The following ARHGAP24 variants were observed in gnomAD, a reference collection of about 807,000 sequenced individuals.
ARHGAP24 encodes rho GTPase-activating protein 24.
In ARHGAP24, 50 loss-of-function variants were observed where a neutral mutation model predicts 76.4. The observed-to-expected ratio is 0.65, with a 90% CI of 0.52 to 0.83. ARHGAP24 has a LOEUF of 0.83. Ranked by LOEUF, ARHGAP24 falls within the 40% of genes least tolerant of loss-of-function variation. The pLI, the probability that ARHGAP24 is intolerant of heterozygous loss-of-function variation, is 0.00. For synonymous variants in ARHGAP24, 345 were observed against 323.3 expected (o/e 1.07, Z -0.72); for missense variants, 930 against 914.2 (o/e 1.02, Z -0.22).
At chr4:85,847,682 T>C (rs1367017568) in intron 3 of ARHGAP24, among the ~76,000 whole-genome samples, 2 of 152,146 alleles carry the variant, frequency 1.3e-5, no homozygotes, top group Admixed American at 6.5e-5. Context: ...AACTGCAAGG[T>C]GATCAGTTTG....
chr4:85,756,211 TAA>T (rs66811844), intron 3 of ARHGAP24, among the ~76,000 whole-genome samples: 137,975 of 152,000 alleles, frequency 0.91, 64,135 homozygotes, highest in East Asian at 1. Context: ...TAATAGTTAA[TAA>T]AGTAGCTGAT....
At chr4:85,726,945 T>C (rs13102580) in intron 3 of ARHGAP24, among the ~76,000 whole-genome samples, 6 of 151,856 alleles carry the variant, frequency 4.0e-5, no homozygotes, top group Non-Finnish European at 8.8e-5. Context: ...GAGGTAGGGG[T>C]ATCACCTGAG....
chr4:85,978,046 T>C (rs1392095196), intron 8 of ARHGAP24, among the ~76,000 whole-genome samples: 1 of 152,264 alleles, frequency 6.6e-6, no homozygotes, highest in African/African-American at 2.4e-5. Flanking sequence ...TTAATATACA[T>C]TTTTATTAAT....
At chr4:85,501,190 T>C (rs909284861) in intron 1 of ARHGAP24, among the ~76,000 whole-genome samples, 2 of 152,246 alleles carry the variant, frequency 1.3e-5, no homozygotes, top group South Asian at 4.1e-4. Flanking sequence ...AACATATGTG[T>C]GCATGTGTCT....
chr4:85,925,748 G>C (rs911858206), intron 4 of ARHGAP24, among the ~76,000 whole-genome samples: 1 of 152,148 alleles, frequency 6.6e-6, no homozygotes, highest in Non-Finnish European at 1.5e-5. Context: ...CCGGTGTCCA[G>C]TGGGGACTTT....
intron 3 of ARHGAP24, among the ~76,000 whole-genome samples, chr4:85,811,148 G>A (rs544998387): frequency 6.6e-6 from 1 of 152,264 alleles, no homozygotes; most frequent in East Asian, 1.9e-4. Context: ...TAATGCAAGA[G>A]CCAATGATTT....
chr4:85,985,230 C>T (rs568229516), intron 8 of ARHGAP24, among the ~76,000 whole-genome samples: 11 of 152,236 alleles, frequency 7.2e-5, no homozygotes, highest in Middle Eastern at 3.4e-3. Context: ...GTGGAATCAA[C>T]CTAAATGCCC....
chr4:85,513,529 ACT>A (rs1724365177), intron 1 of ARHGAP24, among the ~76,000 whole-genome samples: 2 of 151,038 alleles, frequency 1.3e-5, no homozygotes, highest in South Asian at 4.2e-4. Flanking sequence ...TTGCCTAAAC[ACT>A]CTCCACTTAG....
intron 2 of ARHGAP24, among the ~76,000 whole-genome samples, chr4:85,677,383 C>T (rs1453414622): frequency 6.6e-6 from 1 of 152,226 alleles, no homozygotes; most frequent in Non-Finnish European, 1.5e-5. Flanking sequence ...CAGCCGGTAC[C>T]TCCCTGCTGT....
At chr4:85,683,191 A>T (rs893376794) in intron 2 of ARHGAP24, among the ~76,000 whole-genome samples, 3 of 149,018 alleles carry the variant, frequency 2.0e-5, no homozygotes, top group East Asian at 4.3e-4. Context: ...AAAACATGGC[A>T]GTTCTTATAA....
intron 6 of ARHGAP24, among the ~76,000 whole-genome samples, chr4:85,973,833 G>GTTTTTTT (rs1199796194): frequency 0.031 from 1,317 of 42,634 alleles, 344 homozygotes; most frequent in East Asian, 0.047. Flanking sequence ...GCTGCCTATT[G>GTTTTTTT]TTTTTTTTTT....
intron 1 of ARHGAP24, among the ~76,000 whole-genome samples, chr4:85,550,924 T>A (rs1726108691): frequency 6.6e-6 from 1 of 152,190 alleles, no homozygotes. Flanking sequence ...ATCAAGGAAT[T>A]TTGGGGCTGA....
intron 2 of ARHGAP24, among the ~76,000 whole-genome samples, chr4:85,577,517 C>T (rs540415215): frequency 2.6e-4 from 39 of 152,058 alleles, no homozygotes; most frequent in Non-Finnish European, 4.7e-4. Context: ...GTCACATGAG[C>T]ACATCTAACT....
intron 2 of ARHGAP24, among the ~76,000 whole-genome samples, chr4:85,704,417 A>G (rs1238836753): frequency 2.0e-5 from 3 of 152,166 alleles, no homozygotes; most frequent in Non-Finnish European, 4.4e-5. Flanking sequence ...TTTATTGACC[A>G]CCATGAGAAA....
chr4:85,668,442 AAG>A (rs547698279), intron 2 of ARHGAP24, among the ~76,000 whole-genome samples: 1 of 152,226 alleles, frequency 6.6e-6, no homozygotes, highest in South Asian at 2.1e-4. Context: ...GTAAAAATGA[AAG>A]AGAGCAAAGG....
chr4:85,772,426 T>C (rs539776026), intron 3 of ARHGAP24, among the ~76,000 whole-genome samples: 1 of 152,348 alleles, frequency 6.6e-6, no homozygotes, highest in East Asian at 1.9e-4. Context: ...CTCGGCATTT[T>C]CTCTTGTTTG....
At chr4:85,719,199 C>T (rs1292366703) in intron 2 of ARHGAP24, among the ~76,000 whole-genome samples, 1 of 152,094 alleles carries the variant, frequency 6.6e-6, no homozygotes, top group Non-Finnish European at 1.5e-5. Flanking sequence ...GTCTTTATTA[C>T]AATGAGTATC....
At chr4:85,916,679 C>A (rs904491423) in intron 3 of ARHGAP24, among the ~76,000 whole-genome samples, 2 of 152,094 alleles carry the variant, frequency 1.3e-5, no homozygotes. Context: ...AATGAGGAAA[C>A]AATTCACCCT....
intron 3 of ARHGAP24, among the ~76,000 whole-genome samples, chr4:85,825,465 G>C (rs555628777): frequency 1.3e-5 from 2 of 152,206 alleles, no homozygotes; most frequent in Non-Finnish European, 2.9e-5. Context: ...CTGCTACATC[G>C]AAGGTCAAGA....
Sources: allele counts gnomAD v4.1 joint callset (sites outside exome capture counted in the v4.1 genomes callset), GRCh38; gene constraint gnomAD v4.1.1; transcripts MANE v1.5; gene names NCBI Gene and HGNC (gene_info 2026-07-23, HGNC 2026-07-21).